GPR155: variants seen among roughly 807,000 people sequenced by gnomAD.
The protein encoded by GPR155 is G protein-coupled receptor 155.
Under a neutral mutation model 93.1 loss-of-function variants are expected in GPR155, and 65 were observed. That is an observed-to-expected ratio of 0.70 (90% CI 0.57 to 0.86). The LOEUF (loss-of-function observed/expected upper bound fraction) is 0.86. Among genes scored for constraint, GPR155 ranks in the 40% least tolerant of loss-of-function variants. The pLI, the probability that GPR155 is intolerant of heterozygous loss-of-function variation, is 0.00. For synonymous variants in GPR155, 319 were observed against 360.1 expected (o/e 0.89, Z 1.29); for missense variants, 838 against 1,034.8 (o/e 0.81, Z 2.61).
chr2:174,462,246 C>A (rs1303722956), intron 7 of GPR155, among the ~76,000 whole-genome samples: 3 of 152,084 alleles, frequency 2.0e-5, no homozygotes, highest in Non-Finnish European at 4.4e-5. Flanking sequence ...AGAAGTATTT[C>A]TCTCCAAAAG....
chr2:174,466,527 T>C lies in GPR155; in HGVS notation c.1266+17A>G. The C allele has an allele frequency of 3.2e-6, 4 of 1,249,128 alleles. No homozygotes were observed. Among genetic ancestry groups the C allele is most frequent in the Non-Finnish European group, 4.7e-6 (4 of 858,974 alleles). The allele number at this position is 1,249,128 out of a possible 1,614,324, so 77.4% of individuals were successfully genotyped here. ...CATTAGAAAAACATAGTTCTAAATA[T>C]CAGTAGTTTTACTAACCTGAGCAAT... On this transcript the variant is annotated intron_variant, in intron 6 of 15. Transcript: ENST00000392552.
chr2:174,446,482 C>G, intron 12 of GPR155, 129 bp downstream of exon 12: 1 of 739,026 alleles, frequency 1.4e-6, no homozygotes, highest in Non-Finnish European at 2.2e-6. Flanking sequence ...AGCTCAAGAT[C>G]CAAATTCAGG....
chr2:174,458,947 G>T (rs1384376613), intron 10 of GPR155, among the ~76,000 whole-genome samples: 3 of 152,050 alleles, frequency 2.0e-5, no homozygotes, highest in Non-Finnish European at 4.4e-5. Context: ...AATTAGCCAG[G>T]CGTGGTGGCG....
rs2105655692 is a variant in GPR155 at position 174,435,882 on chromosome 2, C to G, written c.*234G>C. 1 of 501,312 alleles carries G rather than the reference C, an allele frequency of 2.0e-6. No individual in the cohort carries two copies. Among genetic ancestry groups the G allele is most frequent in the African/African-American group, 1.9e-5 (1 of 52,354 alleles). The allele number at this position is 501,312 out of a possible 1,614,324, so 31.1% of individuals were successfully genotyped here. A position where few individuals can be genotyped will look rare whatever the true frequency, so the allele number is the denominator to read the frequency against. On this transcript the variant is annotated 3_prime_UTR_variant, in exon 16 of 16. Transcript: ENST00000392552. Reference sequence around the variant, plus strand: ...AGGATGACTATATTATATTCATTATCAGAACTTTAATTTGGTTTTCTCTTT... The same window carrying G: ...AGGATGACTATATTATATTCATTATGAGAACTTTAATTTGGTTTTCTCTTT...
chr2:174,484,005 CAT>C (rs1484789218), intron 1 of GPR155, among the ~76,000 whole-genome samples: 7 of 152,214 alleles, frequency 4.6e-5, no homozygotes, highest in African/African-American at 1.7e-4. Flanking sequence ...AGTCCTCAAA[CAT>C]CTATATCACA....
intron 10 of GPR155, among the ~76,000 whole-genome samples, chr2:174,454,527 A>G (rs892737909): frequency 1.3e-5 from 2 of 152,004 alleles, no homozygotes; most frequent in African/African-American, 4.8e-5. Flanking sequence ...ATGCTGGCAT[A>G]TGGCTATAGT....
At chr2:174,444,159 GTA>G (rs1172633855) in intron 13 of GPR155, among the ~76,000 whole-genome samples, 1 of 152,060 alleles carries the variant, frequency 6.6e-6, no homozygotes, top group Non-Finnish European at 1.5e-5. Flanking sequence ...GCTCATGCCT[GTA>G]ATCCCAGCAC....
At chr2:174,472,859 G>A (rs1173947619) in intron 3 of GPR155, 106 bp downstream of exon 3, 1 of 815,410 alleles carries the variant, frequency 1.2e-6, no homozygotes, top group Non-Finnish European at 2.0e-6. Flanking sequence ...ACAAGGAGGG[G>A]TTATTAATAT....
chr2:174,461,372 A>G (rs1264520411), intron 9 of GPR155, 30 bp downstream of exon 9: 7 of 1,370,822 alleles, frequency 5.1e-6, no homozygotes, highest in Non-Finnish European at 7.3e-6. Flanking sequence ...GACATTCTCA[A>G]GAACAGAACT....
intron 7 of GPR155, among the ~76,000 whole-genome samples, chr2:174,464,591 GA>G (rs1031976080): frequency 7.3e-5 from 11 of 151,578 alleles, no homozygotes; most frequent in African/African-American, 2.7e-4. Flanking sequence ...GTGCATGCTT[GA>G]AGGGGGTTTC....
At chr2:174,436,490 G>A (rs1686789099) in intron 15 of GPR155, 74 bp from the exon 16 acceptor site, 11 of 1,353,352 alleles carry the variant, frequency 8.1e-6, no homozygotes, top group South Asian at 6.6e-5. Flanking sequence ...GGACAAGCAA[G>A]AAAAAATAGA....
rs1686712391 is a variant in GPR155, at chr2:174,434,279, G to A, written c.*1837C>T. On this transcript the variant is annotated 3_prime_UTR_variant, in exon 16 of 16. Transcript: ENST00000392552. ...AGTCACCATGCCCAGCCTAGGTTTA[G>A]AATTTTTAAATATTGGCTTGAACTA... is the stretch of plus-strand genomic sequence containing the variant. 1 of 151,084 alleles carries A rather than the reference G, an allele frequency of 6.6e-6. No individual in the cohort carries two copies. The highest frequency in any genetic ancestry group is 2.4e-5 in the African/African-American group (1 of 41,094). 9.4% of individuals were successfully genotyped at this position (151,084 alleles called of 1,614,324 possible). A position where few individuals can be genotyped will look rare whatever the true frequency, so the allele number is the denominator to read the frequency against.
chr2:174,481,883 G>T lies in GPR155; in HGVS notation c.74C>A (p.Thr25Lys). Reference sequence around the variant, plus strand: ...GTCATTAGTGGAATTAAATCCATGCGTTACTGCTGTAGGCAAAGTCTTGGT... The same window carrying T: ...GTCATTAGTGGAATTAAATCCATGCTTTACTGCTGTAGGCAAAGTCTTGGT... ...NMTKTLPTAV[T>K]HGFNSTNDPP... The change falls in exon 2 of 16, where the codon ACG becomes AAG. Residue 25 changes from threonine (T) to lysine (K), a missense_variant. By Grantham distance (78) the Thr-to-Lys change is moderately conservative. Coordinates refer to ENST00000392552, the MANE Select transcript of GPR155 (RefSeq NM_152529.7). The T allele has an allele frequency of 1.2e-6, 2 of 1,614,040 alleles. No homozygotes were observed. The highest frequency in any genetic ancestry group is 4.5e-5 in the East Asian group (2 of 44,874).
chr2:174,456,417 A>G (rs1687521822), intron 10 of GPR155, among the ~76,000 whole-genome samples: 1 of 150,800 alleles, frequency 6.6e-6, no homozygotes, highest in Non-Finnish European at 1.5e-5. Flanking sequence ...TGATCCTCCC[A>G]CCTCAGCCTC....
intron 14 of GPR155, among the ~76,000 whole-genome samples, chr2:174,441,628 T>C (rs912005123): frequency 6.6e-6 from 1 of 152,042 alleles, no homozygotes; most frequent in Non-Finnish European, 1.5e-5. Flanking sequence ...TTCCCCACCG[T>C]GTGTCCAAGT....
chr2:174,459,851 A>G, intron 10 of GPR155, 27 bp downstream of exon 10: 1 of 1,524,952 alleles, frequency 6.6e-7, no homozygotes, highest in Non-Finnish European at 9.1e-7. Context: ...TCTCAAATAA[A>G]TAAAAATAAA....
chr2:174,478,604 G>A (rs545574732), intron 2 of GPR155, among the ~76,000 whole-genome samples: 2 of 152,250 alleles, frequency 1.3e-5, no homozygotes, highest in African/African-American at 4.8e-5. Context: ...TGTTATAGTT[G>A]TCATAGTATG....
rs536289739 is a variant in GPR155, at chr2:174,446,314, A to T, written c.2013+297T>A. On this transcript the variant is annotated intron_variant, in intron 12 of 15. Transcript: ENST00000392552. Reference sequence around the variant, plus strand: ...AGAGTTAGACTCTGTCTCAAAAAAAAAAAAAATAAAAAATAAAAAGAAATA... The same window carrying T: ...AGAGTTAGACTCTGTCTCAAAAAAATAAAAAATAAAAAATAAAAAGAAATA... Among the ~76,000 whole-genome samples, 285 of 77,804 alleles carry T rather than the reference A, an allele frequency of 3.7e-3. 8 individuals are homozygous for T. Among genetic ancestry groups the T allele is most frequent in the African/African-American group, 0.012 (276 of 22,632 alleles). 51.0% of individuals were successfully genotyped at this position (77,804 alleles called of 152,430 possible).
At chr2:174,480,497 A>G (rs1021015829) in intron 2 of GPR155, among the ~76,000 whole-genome samples, 1 of 152,212 alleles carries the variant, frequency 6.6e-6, no homozygotes, top group Non-Finnish European at 1.5e-5. Flanking sequence ...AATATAAAAA[A>G]GTAATTTAAA....
Sources: allele counts gnomAD v4.1 joint callset (sites outside exome capture counted in the v4.1 genomes callset), GRCh38; gene constraint gnomAD v4.1.1; transcripts MANE v1.5; gene names NCBI Gene and HGNC (gene_info 2026-07-23, HGNC 2026-07-21).